The following UNC79 variants were observed in gnomAD, a reference collection of about 807,000 sequenced individuals.
The protein encoded by UNC79 is protein unc-79 homolog.
A neutral mutation model predicts 283.1 loss-of-function variants in UNC79; 37 were observed. The ratio of observed to expected loss-of-function variants is 0.13; its 90% CI spans 0.10 to 0.17. UNC79 has a LOEUF of 0.17. Ranked by LOEUF, UNC79 falls within the 10% of genes least tolerant of loss-of-function variation. The pLI, the probability that UNC79 is intolerant of heterozygous loss-of-function variation, is 1.00. For missense variants in UNC79, 2,272 were observed against 3,211.1 expected (o/e 0.71, Z 7.07); for synonymous variants, 1,107 against 1,200.2 (o/e 0.92, Z 1.61).
At chr14:93,401,185 T>C (rs2080493078) in intron 1 of UNC79, among the ~76,000 whole-genome samples, 1 of 152,218 alleles carries the variant, frequency 6.6e-6, no homozygotes. Flanking sequence ...ATCTTCAACA[T>C]GTAAATTGTT....
chr14:93,706,903 G>A (rs972485787), exon 49 of UNC79: 1 of 1,614,086 alleles, frequency 6.2e-7, no homozygotes, highest in African/African-American at 1.3e-5. Flanking sequence ...TATCCTCTAT[G>A]AGTGGACTCC....
At chr14:93,572,231 C>G in intron 15 of UNC79, 147 bp downstream of exon 15, 2 of 820,438 alleles carry the variant, frequency 2.4e-6, no homozygotes, top group East Asian at 2.7e-5. Context: ...GAAGCCCCAA[C>G]ATGAAATAGC....
At chr14:93,616,786 C>T (rs1490103360) in intron 27 of UNC79, among the ~76,000 whole-genome samples, 1 of 152,128 alleles carries the variant, frequency 6.6e-6, no homozygotes, top group African/African-American at 2.4e-5. Flanking sequence ...TAGGAATTCC[C>T]ATTTCTGCAG....
At chr14:93,622,811 C>G in exon 30 of UNC79, 1 of 1,613,890 alleles carries the variant, frequency 6.2e-7, no homozygotes, top group Non-Finnish European at 8.5e-7. Flanking sequence ...CTTCAACATT[C>G]TGGACAAACT....
intron 26 of UNC79, among the ~76,000 whole-genome samples, chr14:93,606,603 C>T (rs2065904096): frequency 6.6e-6 from 1 of 152,118 alleles, no homozygotes; most frequent in Non-Finnish European, 1.5e-5. Flanking sequence ...GTAATGAGCT[C>T]CTCTTTGCGG....
intron 19 of UNC79, among the ~76,000 whole-genome samples, chr14:93,581,682 C>T (rs112324205): frequency 0.02 from 2,967 of 151,576 alleles, 90 homozygotes; most frequent in African/African-American, 0.066. Flanking sequence ...TTAGTAGAGA[C>T]GGGGTTTCAC....
At chr14:93,434,004 G>C (rs1357135389) in intron 1 of UNC79, among the ~76,000 whole-genome samples, 1 of 151,980 alleles carries the variant, frequency 6.6e-6, no homozygotes, top group African/African-American at 2.4e-5. Flanking sequence ...ACCTGGGGTC[G>C]GGAGTTCGAG....
chr14:93,411,645 A>G (rs1268954270), intron 1 of UNC79, among the ~76,000 whole-genome samples: 1 of 152,202 alleles, frequency 6.6e-6, no homozygotes, highest in Admixed American at 6.5e-5. Flanking sequence ...CAAGAGTCTC[A>G]GCTTTGTGAT....
At chr14:93,383,822 G>A (rs1355654060) in intron 1 of UNC79, among the ~76,000 whole-genome samples, 2 of 152,128 alleles carry the variant, frequency 1.3e-5, no homozygotes, top group East Asian at 1.9e-4. Flanking sequence ...ATTGAATTAC[G>A]GGGCTGGGTC....
At chr14:93,401,711 C>T (rs1279258119) in intron 1 of UNC79, among the ~76,000 whole-genome samples, 1 of 152,212 alleles carries the variant, frequency 6.6e-6, no homozygotes, top group Non-Finnish European at 1.5e-5. Flanking sequence ...GCTATAGGTA[C>T]AGCCTTGAGA....
intron 13 of UNC79, 93 bp downstream of exon 13, chr14:93,540,924 A>G (rs2061342315): frequency 1.3e-6 from 2 of 1,519,990 alleles, no homozygotes; most frequent in African/African-American, 1.4e-5. Flanking sequence ...TAAAAGGAGT[A>G]AATAGTGAAA....
intron 31 of UNC79, chr14:93,634,596 A>C: frequency 6.2e-7 from 1 of 1,614,166 alleles, no homozygotes; most frequent in Non-Finnish European, 8.5e-7. Context: ...CAGCTGGAGC[A>C]TCAGTCTAGC....
At chr14:93,578,518 CAAGAATACTATA>C (rs893623110) in intron 18 of UNC79, among the ~76,000 whole-genome samples, 2 of 152,128 alleles carry the variant, frequency 1.3e-5, no homozygotes, top group Non-Finnish European at 2.9e-5. Flanking sequence ...AGAAAAGTTA[CAAGAATACTATA>C]AAGAATTCCC....
chr14:93,598,737 G>T (rs2065274079), intron 24 of UNC79, among the ~76,000 whole-genome samples: 1 of 152,178 alleles, frequency 6.6e-6, no homozygotes, highest in Admixed American at 6.5e-5. Flanking sequence ...GGCCAGGCTG[G>T]TCTCGAACCC....
At chr14:93,544,782 C>A (rs958048485) in intron 14 of UNC79, among the ~76,000 whole-genome samples, 31 of 152,260 alleles carry the variant, frequency 2.0e-4, no homozygotes, top group African/African-American at 7.2e-4. Context: ...GTACGGAGGG[C>A]AGACAGTTGA....
At chr14:93,435,517 A>T (rs940899175) in intron 1 of UNC79, among the ~76,000 whole-genome samples, 2 of 152,150 alleles carry the variant, frequency 1.3e-5, no homozygotes, top group Non-Finnish European at 2.9e-5. Context: ...ATCTACGAGG[A>T]TGCCTCCCAC....
chr14:93,394,352 T>TTTTATTTTATTTTATTTTATTTTAC (rs1166642782), intron 1 of UNC79, among the ~76,000 whole-genome samples: 62 of 21,228 alleles, frequency 2.9e-3, no homozygotes, highest in African/African-American at 0.017. Flanking sequence ...TGCAATTGTC[T>TTTTATTTTATTTTATTTTATTTTAC]TTTATTTTAT....
intron 7 of UNC79, among the ~76,000 whole-genome samples, chr14:93,513,947 G>A (rs114769377): frequency 0.016 from 2,406 of 152,264 alleles, 64 homozygotes; most frequent in African/African-American, 0.055. Context: ...TAAAAGCAGT[G>A]TTTAGAGGGA....
chr14:93,673,245 T>C (rs1268094570), intron 40 of UNC79, 106 bp from the exon 44 acceptor site: 2 of 933,096 alleles, frequency 2.1e-6, no homozygotes, highest in East Asian at 2.6e-5. Flanking sequence ...TTTTGAATAC[T>C]GTTTTTTATT....
Sources: gnomAD v4.1 joint callset for allele counts (sites outside exome capture counted in the v4.1 genomes callset) on GRCh38, gnomAD v4.1.1 for gene constraint, MANE v1.5 for transcripts, NCBI Gene and HGNC (gene_info 2026-07-23, HGNC 2026-07-21) for gene names.